The following RECK variants were observed in gnomAD, a reference collection of about 807,000 sequenced individuals.
RECK encodes reversion inducing cysteine rich protein with kazal motifs.
A neutral mutation model predicts 115.1 loss-of-function variants in RECK; 69 were observed. The observed-to-expected ratio is 0.60, with a 90% CI of 0.49 to 0.73. The LOEUF is 0.73. Among genes scored for constraint, RECK ranks in the 30% least tolerant of loss-of-function variants. The pLI, the probability that RECK is intolerant of heterozygous loss-of-function variation, is 0.00. For synonymous variants in RECK, 414 were observed against 419.7 expected, an observed-to-expected ratio of 0.99 and a Z score of 0.17; for missense variants, 1,047 against 1,203.7, an observed-to-expected ratio of 0.87 and a Z score of 1.93.
chr9:36,077,588 A>G (rs1312293040), intron 6 of RECK, among the ~76,000 whole-genome samples: 7 of 151,264 alleles, frequency 4.6e-5, no homozygotes, highest in African/African-American at 1.7e-4. Context: ...AAGAGGCAAG[A>G]TGGTATTAAC....
At chr9:36,069,175 C>T (rs2132598638) in intron 6 of RECK, among the ~76,000 whole-genome samples, 1 of 152,254 alleles carries the variant, frequency 6.6e-6, no homozygotes, top group Middle Eastern at 3.4e-3. Context: ...CCTAAAGATA[C>T]TTCAGATATA....
At chr9:36,085,722 GA>G (rs142846460) in intron 8 of RECK, 8,886 of 147,928 alleles carry the variant, frequency 0.06, 408 homozygotes, top group South Asian at 0.19. Context: ...GCCTCGGGGG[GA>G]AAAAAAAAGA....
intron 15 of RECK, among the ~76,000 whole-genome samples, chr9:36,111,820 G>A (rs1406955026): frequency 6.6e-6 from 1 of 151,982 alleles, no homozygotes; most frequent in African/African-American, 2.4e-5. Context: ...CCTACCTATA[G>A]CCTTGTTAAT....
intron 10 of RECK, among the ~76,000 whole-genome samples, chr9:36,098,978 C>T (rs1823461772): frequency 6.6e-6 from 1 of 152,150 alleles, no homozygotes; most frequent in Non-Finnish European, 1.5e-5. Flanking sequence ...ATAATCCCAA[C>T]ACTTTGAGAG....
intron 2 of RECK, among the ~76,000 whole-genome samples, chr9:36,056,601 T>C (rs367833425): frequency 6.6e-6 from 1 of 152,326 alleles, no homozygotes; most frequent in East Asian, 1.9e-4. Flanking sequence ...TCTACAATGA[T>C]GAAAATATTC....
intron 6 of RECK, among the ~76,000 whole-genome samples, chr9:36,068,223 A>G (rs1482731998): frequency 1.3e-5 from 2 of 152,210 alleles, no homozygotes; most frequent in Non-Finnish European, 2.9e-5. Flanking sequence ...AAGAGGTAAT[A>G]GCTTAGCTAA....
At chr9:36,112,200 A>T (rs1008682135) in intron 15 of RECK, 105 bp from the exon 16 acceptor site, 1 of 919,900 alleles carries the variant, frequency 1.1e-6, no homozygotes, top group Non-Finnish European at 1.6e-6. Context: ...ATTCTATTTT[A>T]ACGTGAGACC....
At chr9:36,046,180 A>T (rs1025313277) in intron 1 of RECK, among the ~76,000 whole-genome samples, 3 of 152,220 alleles carry the variant, frequency 2.0e-5, no homozygotes, top group African/African-American at 7.2e-5. Context: ...TTAGGATCAA[A>T]TTATAAACCC....
chr9:36,051,867 C>G (rs897816535), intron 1 of RECK, among the ~76,000 whole-genome samples: 2 of 152,126 alleles, frequency 1.3e-5, no homozygotes, highest in Non-Finnish European at 2.9e-5. Context: ...TTCACATGCT[C>G]AAAACAAAAT....
intron 6 of RECK, among the ~76,000 whole-genome samples, chr9:36,079,187 G>A (rs911161853): frequency 6.6e-6 from 1 of 152,092 alleles, no homozygotes; most frequent in African/African-American, 2.4e-5. Flanking sequence ...GAGCCACCTC[G>A]CCCAGCTGGT....
chr9:36,070,419 A>G (rs1822181792), intron 6 of RECK, among the ~76,000 whole-genome samples: 1 of 152,116 alleles, frequency 6.6e-6, no homozygotes, highest in Non-Finnish European at 1.5e-5. Context: ...AAAGCTCCAT[A>G]GAAGAGAAAG....
At chr9:36,113,431 G>A (rs778557665) in intron 16 of RECK, among the ~76,000 whole-genome samples, 14 of 152,224 alleles carry the variant, frequency 9.2e-5, no homozygotes, top group Non-Finnish European at 1.8e-4. Flanking sequence ...TCTATGGAAA[G>A]AAGACAGGAC....
chr9:36,112,246 A>G (rs1464682760), intron 15 of RECK, 59 bp from the exon 16 acceptor site: 7 of 1,540,796 alleles, frequency 4.5e-6, no homozygotes, highest in Non-Finnish European at 6.2e-6. Flanking sequence ...TTAACAAGGA[A>G]ATATAAGGGG....
chr9:36,115,704 G>A (rs191646187), intron 16 of RECK, among the ~76,000 whole-genome samples: 3 of 152,042 alleles, frequency 2.0e-5, no homozygotes, highest in Admixed American at 6.6e-5. Flanking sequence ...GCATAGTGAC[G>A]GTGGTAGTGA....
Position 36,111,727 on chromosome 9 carries a change from A to G in RECK, c.1889-578A>G, listed in dbSNP as rs540251994. Among the ~76,000 whole-genome samples the G allele has an allele frequency of 7.9e-5, 12 of 152,144 alleles. No individual in the cohort carries two copies. The East Asian group carries it at 2.3e-3, about 29-fold the overall frequency. On this transcript the variant is annotated intron_variant, in intron 15 of 20. Coordinates refer to ENST00000377966, the MANE Select transcript of RECK (RefSeq NM_021111.3). ...CTTATGCTTGGTATTAGCCTTTAAC[A>G]TTCAAGAAATCCCCACACCAGACTT...
chr9:36,095,916 C>CA (rs35485234), intron 10 of RECK, among the ~76,000 whole-genome samples: 144,145 of 146,932 alleles, frequency 0.98, 70,734 homozygotes, highest in East Asian at 1. Context: ...ACTAAAAATA[C>CA]AAAAAAAAAA....
chr9:36,123,012 C>T lies in RECK; in HGVS notation c.2883C>T (p.Gly961=), dbSNP rs1824520459. ...CHSLLLPLSL[G]LALHLLWTYN The stretch of plus-strand genomic sequence containing the variant: ...CCCTCCTCCTTCCCCTCAGCTTGGG[C>T]CTTGCCTTGCACTTGCTCTGGACAT... Residue 961 remains glycine, a synonymous_variant, in exon 21 of 21, where the codon GGC becomes GGT. Transcript: ENST00000377966. 20 of 1,614,006 alleles carry T rather than the reference C, an allele frequency of 1.2e-5. No homozygotes were observed. The highest frequency in any genetic ancestry group is 1.6e-5 in the Non-Finnish European group (19 of 1,180,014).
chr9:36,090,112 C>A (rs907539953), intron 9 of RECK, among the ~76,000 whole-genome samples: 1 of 152,012 alleles, frequency 6.6e-6, no homozygotes, highest in East Asian at 1.9e-4. Context: ...GCCGAGATCA[C>A]GCCACTGCAC....
In RECK at chr9:36,065,557, A is replaced by G; in HGVS notation, c.358-20A>G. The G allele has an allele frequency of 6.4e-7, 1 of 1,572,728 alleles. No individual in the cohort carries two copies. On this transcript the variant is annotated intron_variant, in intron 5 of 20. Transcript: ENST00000377966. The stretch of plus-strand genomic sequence containing the variant: ...AATAGCATGTATAATAAATTAATGG[A>G]GAAATTTGTTGGTTTTTAGGCATCT...
Sources: gnomAD v4.1 joint callset for allele counts (sites outside exome capture counted in the v4.1 genomes callset) on GRCh38, gnomAD v4.1.1 for gene constraint, MANE v1.5 for transcripts, NCBI Gene and HGNC (gene_info 2026-07-23, HGNC 2026-07-21) for gene names.